Variants in QTRT2 observed in about 807,000 individuals in gnomAD.
QTRT2 encodes the protein queuine tRNA-ribosyltransferase accessory subunit 2.
QTRT2 carries 32 observed loss-of-function variants against 44.8 expected under a neutral mutation model. The ratio of observed to expected loss-of-function variants is 0.71; its 90% confidence interval spans 0.54 to 0.96. The LOEUF is 0.96. QTRT2 is among the 40% of genes least tolerant of loss of function. The pLI, the probability that QTRT2 is intolerant of heterozygous loss-of-function variation, is 0.00. For missense variants in QTRT2, 461 were observed against 503.1 expected, an observed-to-expected ratio of 0.92 and a Z score of 0.80; for synonymous variants, 182 against 187.4, an observed-to-expected ratio of 0.97 and a Z score of 0.24.
intron 6 of QTRT2, among the ~76,000 whole-genome samples, chr3:114,076,314 A>C (rs556553970): frequency 6.6e-5 from 10 of 152,208 alleles, no homozygotes; most frequent in African/African-American, 2.4e-4. Context: ...CTACAGGCAC[A>C]AGCCACCGTG....
intron 6 of QTRT2, among the ~76,000 whole-genome samples, chr3:114,073,701 C>T (rs2077053093): frequency 6.6e-6 from 1 of 152,026 alleles, no homozygotes. Flanking sequence ...ATTTATTGGT[C>T]AAACGTGTAG....
rs1270910709 is a variant in QTRT2 at position 114,088,382 on chromosome 3, G to C, written c.*2478G>C. 1 of 152,054 alleles carries C rather than the reference G, an allele frequency of 6.6e-6. No individual in the cohort carries two copies. The allele number at this position is 152,054 out of a possible 1,614,324, so 9.4% of individuals were successfully genotyped here. A position where few individuals can be genotyped will look rare whatever the true frequency, so the allele number is the denominator to read the frequency against. On this transcript the variant is annotated 3_prime_UTR_variant, in exon 10 of 10. Coordinates refer to ENST00000281273, the MANE Select transcript of QTRT2 (RefSeq NM_024638.4). ...TGTTTGGCTTTCTGTAAATGTAGTA[G>C]GTCTGTTAAACAAAATATTAAATTT...
intron 6 of QTRT2, among the ~76,000 whole-genome samples, chr3:114,072,043 A>G (rs930735619): frequency 1.3e-5 from 2 of 152,168 alleles, no homozygotes; most frequent in African/African-American, 4.8e-5. Context: ...CATTCTGTAC[A>G]CGGATTTCCT....
In QTRT2 at chr3:114,086,025, TAAATAA is replaced by T. The variant is rs2077232918; in HGVS notation, c.*123_*128del. 2 of 803,474 alleles carry T rather than the reference TAAATAA, an allele frequency of 2.5e-6. No individual in the cohort carries two copies. Among genetic ancestry groups the T allele is most frequent in the Non-Finnish European group, 4.0e-6 (2 of 503,110 alleles). 49.8% of individuals were successfully genotyped at this position (803,474 alleles called of 1,614,324 possible). The stretch of plus-strand genomic sequence containing the variant: ...TTTATATTTGGATATAAGGTCTGCT[TAAATAA>T]AGAATCTTTGTACCAAACTGCCCAC... On this transcript the variant is annotated 3_prime_UTR_variant, in exon 10 of 10. Coordinates refer to ENST00000281273, the MANE Select transcript of QTRT2 (RefSeq NM_024638.4).
intron 5 of QTRT2, among the ~76,000 whole-genome samples, chr3:114,069,906 A>G (rs2077002123): frequency 6.6e-6 from 1 of 152,228 alleles, no homozygotes; most frequent in Non-Finnish European, 1.5e-5. Context: ...TTAAAAATGT[A>G]TAGGGCCCTA....
At chr3:114,068,973 T>C (rs1166281138) in intron 5 of QTRT2, among the ~76,000 whole-genome samples, 1 of 151,434 alleles carries the variant, frequency 6.6e-6, no homozygotes, top group African/African-American at 2.4e-5. Context: ...CACTTGAACC[T>C]GGGAGGCAGA....
chr3:114,077,159 T>C (rs1353545534), intron 7 of QTRT2: 1 of 559,276 alleles, frequency 1.8e-6, no homozygotes, highest in Admixed American at 3.1e-5. Flanking sequence ...TAGAGGATAA[T>C]TGCCATTTGA....
Position 114,056,911 on chromosome 3 carries a change from TG to T in QTRT2, c.-130+48del, listed in dbSNP as rs1398157203. The stretch of plus-strand genomic sequence containing the variant: ...TGGTGTGGGAGCTGCTAGAGATGGA[TG>T]AGTCACGTCGCGTCCAGACGCTTCC... On this transcript the variant is annotated intron_variant, in intron 1 of 9. Coordinates refer to ENST00000281273, the MANE Select transcript of QTRT2 (RefSeq NM_024638.4). The T allele has an allele frequency of 9.1e-6, 14 of 1,531,774 alleles. No homozygotes were observed. The East Asian group carries it at 3.4e-4, about 37-fold the overall frequency. The allele number at this position is 1,531,774 out of a possible 1,614,324, so 94.9% of individuals were successfully genotyped here. A position where few individuals can be genotyped will look rare whatever the true frequency, so the allele number is the denominator to read the frequency against.
At chr3:114,084,681 T>G (rs1388845101) in intron 9 of QTRT2, among the ~76,000 whole-genome samples, 1 of 152,220 alleles carries the variant, frequency 6.6e-6, no homozygotes, top group African/African-American at 2.4e-5. Context: ...ATTTCATCTT[T>G]GTAACAACTG....
At chr3:114,085,289 C>A (rs940794134) in intron 9 of QTRT2, among the ~76,000 whole-genome samples, 3 of 152,072 alleles carry the variant, frequency 2.0e-5, no homozygotes, top group Non-Finnish European at 4.4e-5. Flanking sequence ...CTCACCACAA[C>A]CTCTGCCCCC....
chr3:114,074,008 A>G (rs1165998670), intron 6 of QTRT2, among the ~76,000 whole-genome samples: 1 of 151,864 alleles, frequency 6.6e-6, no homozygotes, highest in Non-Finnish European at 1.5e-5. Context: ...TTTCTTCTCC[A>G]TATATTACCT....
intron 6 of QTRT2, among the ~76,000 whole-genome samples, chr3:114,071,499 A>G (rs951036675): frequency 6.6e-6 from 1 of 152,050 alleles, no homozygotes; most frequent in Non-Finnish European, 1.5e-5. Flanking sequence ...GGGTTTCACC[A>G]TGTTAGCCAG....
At chr3:114,074,943 G>A (rs879041706) in intron 6 of QTRT2, among the ~76,000 whole-genome samples, 5 of 152,214 alleles carry the variant, frequency 3.3e-5, no homozygotes, top group African/African-American at 9.6e-5. Context: ...TATGATCTAC[G>A]TAAGCCTTTA....
chr3:114,084,079 G>GGC (rs2077203417), intron 9 of QTRT2, among the ~76,000 whole-genome samples: 3 of 129,784 alleles, frequency 2.3e-5, no homozygotes, highest in Admixed American at 1.5e-4. Context: ...TTTTTTTTGT[G>GGC]GGGGGCAGAG....
intron 2 of QTRT2, among the ~76,000 whole-genome samples, chr3:114,060,928 G>A (rs7615042): frequency 0.51 from 77,164 of 151,990 alleles, 19,712 homozygotes; most frequent in Middle Eastern, 0.6. Flanking sequence ...CGTCTACAGT[G>A]TGAAGATGCT....
rs2077013020 is a variant in QTRT2 at position 114,070,672 on chromosome 3, C to G, written c.380C>G (p.Ser127Cys). The G allele has an allele frequency of 9.9e-6, 16 of 1,614,138 alleles. No individual in the cohort carries two copies. The highest frequency in any genetic ancestry group is 1.3e-5 in the Non-Finnish European group (15 of 1,179,996). ...SVAGRVEMTV[S>C]KFMAIQKALQ... ...GCAGGACGAGTGGAAATGACTGTTTCCAAGTTCATGGCAATTCAGAAGGCC... is the reference window on the plus strand; with the variant it reads ...GCAGGACGAGTGGAAATGACTGTTTGCAAGTTCATGGCAATTCAGAAGGCC... Residue 127 changes from serine to cysteine, a missense_variant, in exon 6 of 10, where the codon TCC becomes TGC. Coordinates refer to ENST00000281273, the MANE Select transcript of QTRT2 (RefSeq NM_024638.4).
intron 2 of QTRT2, 46 bp from the exon 3 acceptor site, chr3:114,065,191 A>T (rs1228336992): frequency 6.9e-6 from 9 of 1,309,060 alleles, no homozygotes; most frequent in African/African-American, 1.5e-5. Context: ...CTTGGCCTCT[A>T]GGTGTTGTGA....
intron 2 of QTRT2, among the ~76,000 whole-genome samples, chr3:114,060,628 A>G (rs2076873568): frequency 6.6e-6 from 1 of 152,226 alleles, no homozygotes; most frequent in Non-Finnish European, 1.5e-5. Flanking sequence ...GATGTTTCCT[A>G]TCTATACATA....
chr3:114,075,814 C>G (rs1342923663), intron 6 of QTRT2, among the ~76,000 whole-genome samples: 4 of 152,084 alleles, frequency 2.6e-5, no homozygotes, highest in Non-Finnish European at 5.9e-5. Context: ...AGTTTTTGTA[C>G]TCAAACTTGT....
Sources: allele counts gnomAD v4.1 joint callset (sites outside exome capture counted in the v4.1 genomes callset), GRCh38; gene constraint gnomAD v4.1.1; transcripts MANE v1.5; gene names NCBI Gene and HGNC (gene_info 2026-07-23, HGNC 2026-07-21).